The following ARMC3 variants were observed in gnomAD, a reference collection of about 807,000 sequenced individuals.
ARMC3 encodes armadillo repeat containing 3.
A neutral mutation model predicts 90.3 loss-of-function variants in ARMC3; 74 were observed. That is an observed-to-expected ratio of 0.82 (90% CI 0.68 to 0.99). The LOEUF (loss-of-function observed/expected upper bound fraction) is 0.99, where lower values mean the gene tolerates loss of function less well. Among genes scored for constraint, ARMC3 ranks in the 50% least tolerant of loss-of-function variants. The pLI is 0.00. For synonymous variants in ARMC3, 334 were observed against 361.8 expected (o/e 0.92, Z 0.87); for missense variants, 958 against 1,042.8 (o/e 0.92, Z 1.12).
At chr10:23,033,056 A>G (rs1327238929) in intron 18 of ARMC3, 33 bp downstream of exon 18, 1 of 1,604,368 alleles carries the variant, frequency 6.2e-7, no homozygotes, top group Non-Finnish European at 8.5e-7. Flanking sequence ...TTTGCCATTA[A>G]GTAAAAATGC....
chr10:23,003,458 A>C, intron 13 of ARMC3, 44 bp downstream of exon 13: 1 of 1,435,336 alleles, frequency 7.0e-7, no homozygotes. Context: ...TACAATAATA[A>C]TTTTTCTTTA....
At chr10:22,942,758 A>T (rs1834368247) in intron 2 of ARMC3, among the ~76,000 whole-genome samples, 1 of 152,220 alleles carries the variant, frequency 6.6e-6, no homozygotes, top group African/African-American at 2.4e-5. Flanking sequence ...AGAGAAATGT[A>T]TGTATCCACA....
At chr10:22,937,686 C>G (rs1834165422) in intron 2 of ARMC3, among the ~76,000 whole-genome samples, 1 of 152,144 alleles carries the variant, frequency 6.6e-6, no homozygotes, top group Non-Finnish European at 1.5e-5. Flanking sequence ...ACTGATAGCT[C>G]CATGGACCTC....
At chr10:22,997,130 C>A (rs1265463949) in intron 10 of ARMC3, 1 of 152,166 alleles carries the variant, frequency 6.6e-6, no homozygotes, top group Non-Finnish European at 1.5e-5. Flanking sequence ...TGGAACATCT[C>A]CTATTTATAG....
chr10:23,002,551 TTTCTTTCTTTC>T lies in ARMC3; in HGVS notation c.1562+499_1562+509del, dbSNP rs1278000619. Among the ~76,000 whole-genome samples, 4 of 340 alleles carry T rather than the reference TTTCTTTCTTTC, an allele frequency of 0.012. No homozygotes were observed. In the East Asian group the frequency reaches 0.15, roughly 13 times the overall value. The allele number at this position is 340 out of a possible 152,430, so 0.2% of individuals were successfully genotyped here. Reference sequence around the variant, plus strand: ...GGTTTTAAGTTTCATTTCTTTTCTCTTTCTTTCTTTCTTTCTTTCTTTCTTTCTTTCTTTTT... The same window carrying T: ...GGTTTTAAGTTTCATTTCTTTTCTCTTTTCTTTCTTTCTTTCTTTCTTTTT... On this transcript the variant is annotated intron_variant, in intron 12 of 18. Transcript: ENST00000298032.
intron 1 of ARMC3, among the ~76,000 whole-genome samples, chr10:22,931,700 A>C (rs562966790): frequency 3.3e-4 from 51 of 152,306 alleles, no homozygotes; most frequent in African/African-American, 1.2e-3. Flanking sequence ...AAGCTATAAA[A>C]ATGGTAAATG....
intron 10 of ARMC3, among the ~76,000 whole-genome samples, chr10:22,985,046 A>AC (rs1307750251): frequency 8.4e-5 from 7 of 83,610 alleles, no homozygotes; most frequent in Admixed American, 1.5e-4. Context: ...TTAATTTTTC[A>AC]TTTTTTTTTT....
intron 18 of ARMC3, 52 bp from the exon 19 acceptor site, chr10:23,037,218 C>A (rs1564410639): frequency 1.4e-6 from 2 of 1,449,752 alleles, no homozygotes; most frequent in East Asian, 2.3e-5. Flanking sequence ...ATAGGATATT[C>A]CCCACCCCTC....
At position 23,038,108 on chromosome 10, in the gene ARMC3, T is replaced by C. The variant is rs760488114; in HGVS notation, c.*629T>C. On this transcript the variant is annotated 3_prime_UTR_variant, in exon 19 of 19. Transcript: ENST00000298032. ...TTGGTTTCATCTTGTCTGTGTTAGC[T>C]TGGAAACATACCTTCAGCTAAAAAC... is the stretch of plus-strand genomic sequence containing the variant. 6.6e-6 allele frequency: 1 copy of C among 152,220 alleles called. No homozygotes were observed. The highest frequency in any genetic ancestry group is 1.5e-5 in the Non-Finnish European group (1 of 68,032). The allele number at this position is 152,220 out of a possible 1,614,324, so 9.4% of individuals were successfully genotyped here. A position where few individuals can be genotyped will look rare whatever the true frequency, so the allele number is the denominator to read the frequency against.
chr10:22,952,921 C>T (rs1834791992), intron 3 of ARMC3, among the ~76,000 whole-genome samples: 1 of 152,112 alleles, frequency 6.6e-6, no homozygotes, highest in South Asian at 2.1e-4. Flanking sequence ...AGAAAAATAA[C>T]CCCAAAATAT....
chr10:22,956,874 G>C (rs1834964770), intron 4 of ARMC3, among the ~76,000 whole-genome samples: 1 of 150,704 alleles, frequency 6.6e-6, no homozygotes, highest in East Asian at 1.9e-4. Context: ...TTAGTTAAAA[G>C]ATGCTATTAT....
At chr10:23,023,692 A>T (rs917122274) in intron 16 of ARMC3, among the ~76,000 whole-genome samples, 2 of 152,194 alleles carry the variant, frequency 1.3e-5, no homozygotes, top group African/African-American at 4.8e-5. Context: ...GAAAAGTATA[A>T]TAACAGAAAT....
intron 16 of ARMC3, among the ~76,000 whole-genome samples, chr10:23,011,823 A>G (rs985998613): frequency 6.6e-6 from 1 of 152,134 alleles, no homozygotes; most frequent in Admixed American, 6.5e-5. Context: ...CTCTTCGTGC[A>G]TTTTCAGGAG....
intron 16 of ARMC3, among the ~76,000 whole-genome samples, chr10:23,023,133 AAG>A (rs1446862387): frequency 6.6e-6 from 1 of 152,108 alleles, no homozygotes; most frequent in Non-Finnish European, 1.5e-5. Context: ...CTGCCTAGGG[AAG>A]CCTCTGGGTC....
intron 12 of ARMC3, among the ~76,000 whole-genome samples, chr10:23,002,603 TTCTTTC>T (rs1837358971): frequency 6.6e-6 from 1 of 150,654 alleles, no homozygotes. Context: ...TTTTCTTTTT[TTCTTTC>T]TTTTTTTTTT....
chr10:22,985,894 C>T (rs2131355777), intron 10 of ARMC3, among the ~76,000 whole-genome samples: 1 of 152,252 alleles, frequency 6.6e-6, no homozygotes, highest in South Asian at 2.1e-4. Context: ...GTGGTTCTCT[C>T]CCTCACCCCG....
intron 7 of ARMC3, among the ~76,000 whole-genome samples, chr10:22,964,309 C>T (rs1300190440): frequency 6.6e-6 from 1 of 151,970 alleles, no homozygotes; most frequent in Non-Finnish European, 1.5e-5. Context: ...TGTCAGTTTC[C>T]ACTTAATTAC....
At chr10:22,986,110 G>C (rs866599573) in intron 10 of ARMC3, among the ~76,000 whole-genome samples, 74 of 101,474 alleles carry the variant, frequency 7.3e-4, no homozygotes, top group Middle Eastern at 5.7e-3. Context: ...TGCACTGCAC[G>C]CCCCCCCCCC....
chr10:22,986,878 A>G (rs1216663389), intron 10 of ARMC3, among the ~76,000 whole-genome samples: 1 of 152,178 alleles, frequency 6.6e-6, no homozygotes, highest in East Asian at 1.9e-4. Context: ...AAAAATAACT[A>G]TTTTTATAAA....
Sources: gnomAD v4.1 joint callset for allele counts (sites outside exome capture counted in the v4.1 genomes callset) on GRCh38, gnomAD v4.1.1 for gene constraint, MANE v1.5 for transcripts, NCBI Gene and HGNC (gene_info 2026-07-23, HGNC 2026-07-21) for gene names.